The following DSCAML1 variants were observed in gnomAD, a reference collection of about 807,000 sequenced individuals.
DSCAML1 encodes DS cell adhesion molecule like 1, also known as cell adhesion molecule DSCAML1.
In DSCAML1, 38 loss-of-function variants were observed where a neutral mutation model predicts 200.5. That is an observed-to-expected ratio of 0.19 (90% CI 0.15 to 0.25). The LOEUF (loss-of-function observed/expected upper bound fraction) is 0.25, where lower values mean the gene tolerates loss of function less well. DSCAML1 is among the 10% of genes least tolerant of loss of function. DSCAML1 has a pLI of 1.00. For synonymous variants in DSCAML1, 1,215 were observed against 1,165.0 expected, an observed-to-expected ratio of 1.04 and a Z score of -0.87; for missense variants, 2,223 against 2,858.8, an observed-to-expected ratio of 0.78 and a Z score of 5.07.
chr11:117,511,111 A>G (rs1175444857), intron 8 of DSCAML1, among the ~76,000 whole-genome samples: 1 of 152,212 alleles, frequency 6.6e-6, no homozygotes, highest in Admixed American at 6.5e-5. Flanking sequence ...TCCCAGGCAT[A>G]CGGCAGAGGC....
In DSCAML1 at chr11:117,797,155, G is replaced by A; in HGVS notation, c.-76C>T. On this transcript the variant is annotated 5_prime_UTR_variant, in exon 1 of 33. Coordinates refer to ENST00000651296, the MANE Select transcript of DSCAML1 (RefSeq NM_020693.4). ...CGGCAGCGCCTCTCCCCCGCTCAGCGCGCTCCCAGCCGCCCGCACTCGGCG... is the reference window on the plus strand; with the variant it reads ...CGGCAGCGCCTCTCCCCCGCTCAGCACGCTCCCAGCCGCCCGCACTCGGCG... 2 of 1,587,432 alleles carry A rather than the reference G, an allele frequency of 1.3e-6. No homozygotes were observed. Among genetic ancestry groups the A allele is most frequent in the Non-Finnish European group, 1.7e-6 (2 of 1,168,392 alleles).
rs1309690839 is a variant in DSCAML1 at position 117,493,262 on chromosome 11, C to T, written c.2359+10583G>A. On this transcript the variant is annotated intron_variant, in intron 11 of 32. Transcript: ENST00000651296. ...CTTGCTAAAGAGTAGACGCGCAGGA[C>T]GGGGAGTGTTCTCAAATGAAGATGG... 4.6e-5 allele frequency among the ~76,000 whole-genome samples: 7 copies of T among 151,832 alleles called. No homozygotes were observed. The East Asian group carries it at 9.7e-4, about 21-fold the overall frequency.
rs1042348205 is a variant in DSCAML1, at chr11:117,506,757, G to C, written c.1784-1025C>G. Among the ~76,000 whole-genome samples the C allele has an allele frequency of 3.9e-5, 6 of 151,984 alleles. 1 individual carries two copies. The South Asian group carries it at 6.2e-4, about 16-fold the overall frequency. ...GAGACAGGTGTCATTATGTTGGCCA[G>C]GCTGGCCTCAAACTTCTGGTCTCAA... is the stretch of plus-strand genomic sequence containing the variant. On this transcript the variant is annotated intron_variant, in intron 8 of 32. Transcript: ENST00000651296.
chr11:117,564,446 G>C (rs927138550), intron 3 of DSCAML1, among the ~76,000 whole-genome samples: 15 of 152,144 alleles, frequency 9.9e-5, no homozygotes, highest in Admixed American at 7.9e-4. Flanking sequence ...ACAATCATCC[G>C]CAATCAATAG....
intron 3 of DSCAML1, among the ~76,000 whole-genome samples, chr11:117,607,416 G>T (rs1359043585): frequency 1.3e-5 from 2 of 152,234 alleles, no homozygotes; most frequent in African/African-American, 4.8e-5. Context: ...CCTAACAGAT[G>T]CTGCCCACCA....
At chr11:117,786,872 AG>A (rs1466693922) in intron 1 of DSCAML1, among the ~76,000 whole-genome samples, 1 of 152,126 alleles carries the variant, frequency 6.6e-6, no homozygotes, top group East Asian at 1.9e-4. Flanking sequence ...AGATCCTTCA[AG>A]GGCAGCCTCA....
In DSCAML1 at chr11:117,437,242, C is replaced by T. The variant is rs527533395; in HGVS notation, c.4600G>A (p.Gly1534Arg). Reference sequence around the variant, plus strand: ...CGCAGTTCCGTCAGAAACACCTCCCCGGAGCTGTTGGCCCGGAGGCCCTGC... The same window carrying T: ...CGCAGTTCCGTCAGAAACACCTCCCTGGAGCTGTTGGCCCGGAGGCCCTGC... Reference protein sequence around the residue: ...AWQGLRANSSGEVFLTELREA... With the variant: ...AWQGLRANSSREVFLTELREA... Residue 1534 changes from glycine to arginine, a missense_variant, in exon 26 of 33, where the codon GGG becomes AGG. Gly to Arg is a moderately radical substitution (Grantham distance 125, BLOSUM62 -2). This residue lies in a region of DSCAML1 where 614 missense variants were observed against 739.1 expected (regional missense o/e 0.83). Coordinates refer to ENST00000651296, the MANE Select transcript of DSCAML1 (RefSeq NM_020693.4). The surrounding 1 kb of genome is among the most constrained non-coding windows in gnomAD (Gnocchi z 5.3). The T allele has an allele frequency of 4.9e-5, 79 of 1,614,232 alleles. 1 individual carries two copies. The highest frequency in any genetic ancestry group is 2.0e-4 in the South Asian group (18 of 91,086).
chr11:117,470,431 C>T (rs975530100), intron 15 of DSCAML1, among the ~76,000 whole-genome samples: 19 of 152,230 alleles, frequency 1.2e-4, no homozygotes, highest in East Asian at 3.9e-4. Context: ...AAAAATTAGC[C>T]GGGCGAGGTG....
chr11:117,567,905 G>A (rs2050784432), intron 3 of DSCAML1, among the ~76,000 whole-genome samples: 1 of 152,002 alleles, frequency 6.6e-6, no homozygotes, highest in African/African-American at 2.4e-5. Context: ...CCAAAGCCGG[G>A]CAGAGACACA....
At chr11:117,520,693 T>C (rs2049868798) in intron 6 of DSCAML1, among the ~76,000 whole-genome samples, 1 of 149,942 alleles carries the variant, frequency 6.7e-6, no homozygotes, top group Admixed American at 6.7e-5. Flanking sequence ...AAGACCAGCC[T>C]GAGCAACATA....
chr11:117,525,142 G>A, intron 4 of DSCAML1, 59 bp from the exon 5 acceptor site: 4 of 1,468,638 alleles, frequency 2.7e-6, no homozygotes, highest in Non-Finnish European at 3.6e-6. Flanking sequence ...AAGTGGCGCT[G>A]GGGGAGGGAA....
In DSCAML1 at chr11:117,428,557, G is replaced by T. The variant is rs200329592; in HGVS notation, c.5933C>A (p.Ala1978Asp). 19 of 1,550,674 alleles carry T rather than the reference G, an allele frequency of 1.2e-5. No individual in the cohort carries two copies. The highest frequency in any genetic ancestry group is 2.3e-4 in the Middle Eastern group (1 of 4,390). ...TLPQRTLAMP[A>D]PPAGTAPPAP... ...TGGGGGGGCTGTGCCGGCTGGGGGG[G>T]CTGGCATGGCCAGAGTCCTCTGAGG... Residue 1978 changes from alanine to aspartate, a missense_variant, in exon 33 of 33, where the codon GCC (alanine) becomes GAC (aspartate). Ala to Asp is a moderately radical substitution (Grantham distance 126). This residue lies in a region of DSCAML1 where 280 missense variants were observed against 213.4 expected (regional missense o/e 1.31). Transcript: ENST00000651296.
At chr11:117,814,318 C>T (rs543431087) in intron 1 of DSCAML1, among the ~76,000 whole-genome samples, 73 of 152,340 alleles carry the variant, frequency 4.8e-4, no homozygotes, top group African/African-American at 1.4e-3. Context: ...TCTCTTCACA[C>T]GGATGCGCAT....
intron 20 of DSCAML1, among the ~76,000 whole-genome samples, chr11:117,448,546 G>A (rs1233779811): frequency 1.3e-5 from 2 of 151,888 alleles, no homozygotes; most frequent in African/African-American, 2.4e-5. Context: ...AAGAAGCCGC[G>A]GGGCAAAGGT....
At chr11:117,554,341 GATACC>G (rs1237075463) in intron 3 of DSCAML1, among the ~76,000 whole-genome samples, 3 of 151,950 alleles carry the variant, frequency 2.0e-5, no homozygotes, top group Non-Finnish European at 1.5e-5. Context: ...GTAAAAGACA[GATACC>G]ATGGACAAAA....
chr11:117,580,017 G>A (rs1311844403), intron 3 of DSCAML1, among the ~76,000 whole-genome samples: 1 of 152,132 alleles, frequency 6.6e-6, no homozygotes, highest in African/African-American at 2.4e-5. Context: ...CTGGAGACAC[G>A]GTAAATTCCA....
intron 4 of DSCAML1, among the ~76,000 whole-genome samples, chr11:117,528,431 C>T (rs1355369560): frequency 2.6e-5 from 4 of 152,174 alleles, no homozygotes; most frequent in Admixed American, 1.3e-4. Context: ...GTGTACATGG[C>T]GACAGCCCGG....
At chr11:117,569,166 T>C (rs936011735) in intron 3 of DSCAML1, among the ~76,000 whole-genome samples, 2 of 152,134 alleles carry the variant, frequency 1.3e-5, no homozygotes, top group African/African-American at 2.4e-5. Context: ...TGGCTAGCCA[T>C]ATGTAGAAAG....
intron 1 of DSCAML1, among the ~76,000 whole-genome samples, chr11:117,806,455 T>C (rs1365532052): frequency 6.6e-6 from 1 of 152,234 alleles, no homozygotes; most frequent in African/African-American, 2.4e-5. Flanking sequence ...GCTAATTGTT[T>C]GTCTGCATCA....
Sources: gnomAD v4.1 joint callset for allele counts (sites outside exome capture counted in the v4.1 genomes callset) on GRCh38, gnomAD v4.1.1 for gene constraint, gnomAD v4.1.1 regional missense constraint, Gnocchi (gnomAD v3.1) non-coding constraint, MANE v1.5 for transcripts, NCBI Gene and HGNC (gene_info 2026-07-23, HGNC 2026-07-21) for gene names.